MCTP1: variants seen among roughly 807,000 people sequenced by gnomAD.
MCTP1 encodes multiple C2 and transmembrane domain containing 1, also known as multiple C2 and transmembrane domain-containing protein 1.
A neutral mutation model predicts 120.6 loss-of-function variants in MCTP1; 69 were observed. That is an observed-to-expected ratio of 0.57 (90% CI 0.47 to 0.70). The LOEUF (loss-of-function observed/expected upper bound fraction) is 0.70. Among genes scored for constraint, MCTP1 ranks in the 30% least tolerant of loss-of-function variants. MCTP1 has a pLI of 0.00. For synonymous variants in MCTP1, 529 were observed against 493.1 expected (o/e 1.07, Z -0.96); for missense variants, 1,203 against 1,248.8 (o/e 0.96, Z 0.55).
At chr5:94,935,637 T>C (rs2153489757) in intron 5 of MCTP1, among the ~76,000 whole-genome samples, 1 of 152,186 alleles carries the variant, frequency 6.6e-6, no homozygotes, top group South Asian at 2.1e-4. Flanking sequence ...GGCATAAGAA[T>C]AAACATGTGG....
intron 1 of MCTP1, among the ~76,000 whole-genome samples, chr5:95,056,554 A>G (rs1458760286): frequency 6.6e-6 from 1 of 152,170 alleles, no homozygotes; most frequent in Non-Finnish European, 1.5e-5. Flanking sequence ...CATACTATAG[A>G]TGTAATTTTC....
At chr5:95,279,790 G>A (rs1760165185) in intron 1 of MCTP1, among the ~76,000 whole-genome samples, 1 of 152,120 alleles carries the variant, frequency 6.6e-6, no homozygotes, top group East Asian at 1.9e-4. Flanking sequence ...GATGATCCGA[G>A]CACTTTTCAT....
chr5:94,909,274 C>T lies in MCTP1; in HGVS notation c.1629G>A (p.Gly543=), dbSNP rs761504719. The T allele has an allele frequency of 6.2e-7, 1 of 1,611,906 alleles. No individual in the cohort carries two copies. The highest frequency in any genetic ancestry group is 8.5e-7 in the Non-Finnish European group (1 of 1,178,984). The change falls in exon 10 of 23, where the codon GGG becomes GGA. Residue 543 remains glycine (G), a synonymous_variant. Coordinates refer to ENST00000515393, the MANE Select transcript of MCTP1 (RefSeq NM_024717.7). ...IDITAWDKDA[G]KRDDFIGRCQ... is the part of the protein sequence containing the mutation. ...ACCTGCCAATGAAATCATCCCTTTT[C>T]CCAGCATCTTTGTCCCATGCAGTGA...
At chr5:95,254,055 C>T (rs1452405271) in intron 1 of MCTP1, among the ~76,000 whole-genome samples, 1 of 152,160 alleles carries the variant, frequency 6.6e-6, no homozygotes, top group Admixed American at 6.5e-5. Flanking sequence ...TTCCAAACCA[C>T]AAACTACAGA....
chr5:94,781,677 C>T (rs942741486), intron 18 of MCTP1, among the ~76,000 whole-genome samples: 3 of 152,128 alleles, frequency 2.0e-5, no homozygotes, highest in African/African-American at 7.2e-5. Flanking sequence ...TTAATTTACA[C>T]ATTTTACAGA....
At chr5:95,263,125 A>C (rs1758607568) in intron 1 of MCTP1, among the ~76,000 whole-genome samples, 1 of 152,208 alleles carries the variant, frequency 6.6e-6, no homozygotes, top group Non-Finnish European at 1.5e-5. Flanking sequence ...AGAGTTCACT[A>C]GGAAGCTATG....
chr5:95,198,410 T>C (rs569993289), intron 1 of MCTP1, among the ~76,000 whole-genome samples: 1 of 152,302 alleles, frequency 6.6e-6, no homozygotes, highest in African/African-American at 2.4e-5. Context: ...TTTTCACTTT[T>C]AGTACAGAAT....
chr5:95,208,946 T>C (rs1007716688), intron 1 of MCTP1, among the ~76,000 whole-genome samples: 2 of 152,182 alleles, frequency 1.3e-5, no homozygotes, highest in Non-Finnish European at 2.9e-5. Flanking sequence ...TTTCTTCTCA[T>C]GACCCTGTTC....
chr5:94,898,086 T>A (rs1166128527), intron 10 of MCTP1, among the ~76,000 whole-genome samples: 2 of 152,222 alleles, frequency 1.3e-5, no homozygotes, highest in Non-Finnish European at 2.9e-5. Context: ...AATATTATGC[T>A]TTTCTGTAAC....
At chr5:95,027,464 T>G (rs1839468336) in intron 1 of MCTP1, among the ~76,000 whole-genome samples, 1 of 152,180 alleles carries the variant, frequency 6.6e-6, no homozygotes, top group African/African-American at 2.4e-5. Context: ...GCTGCTAAGC[T>G]GAAGAGTCAT....
chr5:94,876,459 C>T (rs1013420170), intron 12 of MCTP1, among the ~76,000 whole-genome samples: 1 of 152,026 alleles, frequency 6.6e-6, no homozygotes, highest in African/African-American at 2.4e-5. Flanking sequence ...TTATTCAATA[C>T]CGTGTGGCTA....
intron 2 of MCTP1, among the ~76,000 whole-genome samples, chr5:94,967,664 T>C (rs1337446635): frequency 1.3e-5 from 2 of 152,204 alleles, no homozygotes; most frequent in African/African-American, 4.8e-5. Context: ...TCGAGACTGG[T>C]GTCAGAGAGA....
chr5:94,900,523 C>T (rs1036755890), intron 10 of MCTP1, among the ~76,000 whole-genome samples: 14 of 152,156 alleles, frequency 9.2e-5, no homozygotes, highest in African/African-American at 3.4e-4. Flanking sequence ...TGACTTCTCC[C>T]CAATACTCAT....
At position 94,947,607 on chromosome 5, in the gene MCTP1, G is replaced by T. The variant is rs907819066; in HGVS notation, c.982-5180C>A. Among the ~76,000 whole-genome samples, 5 of 118,280 alleles carry T rather than the reference G, an allele frequency of 4.2e-5. No homozygotes were observed. The South Asian group carries it at 1.1e-3, about 27-fold the overall frequency. 77.6% of individuals were successfully genotyped at this position (118,280 alleles called of 152,430 possible). ...AGAGAGAGAGAGAGAGAGAGAGAGA[G>T]AGAGAGAGAGAGAGAAAGAGAGACA... On this transcript the variant is annotated intron_variant, in intron 3 of 22. Transcript: ENST00000515393.
intron 2 of MCTP1, among the ~76,000 whole-genome samples, chr5:94,993,952 A>G (rs1561985570): frequency 6.6e-6 from 1 of 152,192 alleles, no homozygotes; most frequent in African/African-American, 2.4e-5. Context: ...TTCTGGGAAG[A>G]CCCATTGAAA....
intron 1 of MCTP1, among the ~76,000 whole-genome samples, chr5:95,139,905 T>A (rs1759765109): frequency 6.6e-6 from 1 of 152,230 alleles, no homozygotes; most frequent in Non-Finnish European, 1.5e-5. Flanking sequence ...AAGCTTTGCT[T>A]TAAAAATAAA....
chr5:94,866,535 C>T lies in MCTP1; in HGVS notation c.2436+1798G>A, dbSNP rs1230944526. 2.3e-5 allele frequency among the ~76,000 whole-genome samples: 3 copies of T among 129,738 alleles called. No individual in the cohort carries two copies. In the East Asian group the frequency reaches 6.1e-4, roughly 27 times the overall value. 85.1% of individuals were successfully genotyped at this position (129,738 alleles called of 152,430 possible). Reference sequence around the variant, plus strand: ...CAGGCCCCTTCCCACCTTTACTATGCCTGATTCCCTCTTTTTTTTTTTTTT... The same window carrying T: ...CAGGCCCCTTCCCACCTTTACTATGTCTGATTCCCTCTTTTTTTTTTTTTT... On this transcript the variant is annotated intron_variant, in intron 17 of 22. Coordinates refer to ENST00000515393, the MANE Select transcript of MCTP1 (RefSeq NM_024717.7).
chr5:95,168,794 T>C (rs184500491), intron 1 of MCTP1, among the ~76,000 whole-genome samples: 1 of 152,254 alleles, frequency 6.6e-6, no homozygotes, highest in African/African-American at 2.4e-5. Flanking sequence ...AAGGAGATTT[T>C]GGGCTGAGAC....
intron 1 of MCTP1, among the ~76,000 whole-genome samples, chr5:95,026,888 T>C (rs1839365115): frequency 6.6e-6 from 1 of 152,198 alleles, no homozygotes; most frequent in African/African-American, 2.4e-5. Flanking sequence ...TTAGCAATGT[T>C]GTCAAAGATA....
Sources: allele counts gnomAD v4.1 joint callset (sites outside exome capture counted in the v4.1 genomes callset), GRCh38; gene constraint gnomAD v4.1.1; transcripts MANE v1.5; gene names NCBI Gene and HGNC (gene_info 2026-07-23, HGNC 2026-07-21).